COPA: variants seen among roughly 807,000 people sequenced by gnomAD.
COPA encodes coatomer subunit alpha.
A neutral mutation model predicts 158.7 loss-of-function variants in COPA; 10 were observed. The ratio of observed to expected loss-of-function variants is 0.06; its 90% confidence interval spans 0.04 to 0.11. The LOEUF (loss-of-function observed/expected upper bound fraction) is 0.11, where lower values mean the gene tolerates loss of function less well. Among genes scored for constraint, COPA ranks in the 10% least tolerant of loss-of-function variants. The pLI is 1.00. For missense variants in COPA, 1,065 were observed against 1,536.7 expected (o/e 0.69, Z 5.13); for synonymous variants, 462 against 542.8 (o/e 0.85, Z 2.07).
chr1:160,333,175 T>C (rs902971110), intron 5 of COPA, among the ~76,000 whole-genome samples: 10 of 152,216 alleles, frequency 6.6e-5, no homozygotes, highest in Non-Finnish European at 1.2e-4. Context: ...TTGCCTGCCT[T>C]GGCCTCCCAA....
intron 17 of COPA, among the ~76,000 whole-genome samples, chr1:160,300,424 G>C (rs1033084036): frequency 3.3e-5 from 5 of 151,176 alleles, no homozygotes; most frequent in African/African-American, 1.2e-4. Flanking sequence ...AATAAAATTT[G>C]CCAAAGTTGA....
Position 160,316,750 on chromosome 1 carries a change from C to CAA in COPA, c.707-2627_707-2626dup, listed in dbSNP as rs550170815. Among the ~76,000 whole-genome samples the CAA allele has an allele frequency of 4.5e-3, 418 of 92,422 alleles. 3 individuals are homozygous for CAA. Among genetic ancestry groups the CAA allele is most frequent in the African/African-American group, 0.015 (393 of 26,186 alleles). The allele number at this position is 92,422 out of a possible 152,430, so 60.6% of individuals were successfully genotyped here. A position where few individuals can be genotyped will look rare whatever the true frequency, so the allele number is the denominator to read the frequency against. ...GGCCAACAAGAGCAAAATTCTGTCT[C>CAA]AAAAAAAAAAAAAAAGAATGATTGG... On this transcript the variant is annotated intron_variant, in intron 8 of 32. Transcript: ENST00000241704.
rs763507589 is a variant in COPA at position 160,305,587 on chromosome 1, G to A, written c.1529-16C>T. The A allele has an allele frequency of 3.1e-6, 5 of 1,614,166 alleles. No individual in the cohort carries two copies. Among genetic ancestry groups the A allele is most frequent in the Non-Finnish European group, 2.5e-6 (3 of 1,180,036 alleles). On this transcript the variant is annotated splice_polypyrimidine_tract_variant and intron_variant, in intron 16 of 32. Transcript: ENST00000241704. ...ATCACAATGGCTGTAAGAGGCAAAG[G>A]GCATGAGTGTTCTGTTGGATAGGGT... is the stretch of plus-strand genomic sequence containing the variant.
chr1:160,326,696 C>T (rs1647234512), intron 6 of COPA, among the ~76,000 whole-genome samples: 1 of 152,180 alleles, frequency 6.6e-6, no homozygotes, highest in Non-Finnish European at 1.5e-5. Context: ...AAAAAGTGTA[C>T]TCATGCCTAC....
At chr1:160,303,779 A>C (rs1658692729) in intron 17 of COPA, among the ~76,000 whole-genome samples, 1 of 152,232 alleles carries the variant, frequency 6.6e-6, no homozygotes, top group Admixed American at 6.5e-5. Flanking sequence ...TATTTGCAAC[A>C]TGTAGCTCTG....
Position 160,294,815 on chromosome 1 carries a change from A to G in COPA, c.2519T>C (p.Val840Ala), listed in dbSNP as rs778952692. ...ALAADIDIDTVGTEGWGEDAE... is the reference protein window; with the variant it reads ...ALAADIDIDTAGTEGWGEDAE... ...ATCCTCTCCCCAGCCCTCTGTACCA[A>G]CAGTGTCAATGTCAATGTCAGCAGC... The change falls in exon 24 of 33, where the codon GTT becomes GCT. Residue 840 changes from valine to alanine, a missense_variant. Val to Ala is a moderately conservative substitution (Grantham distance 64, BLOSUM62 0). Around this residue, in one of 2 missense-constraint regions of COPA, gnomAD observed 980 missense variants for 1,357.8 expected, o/e 0.72. Coordinates refer to ENST00000241704, the MANE Select transcript of COPA (RefSeq NM_004371.4). The G allele has an allele frequency of 3.2e-5, 51 of 1,613,952 alleles. No homozygotes were observed. Among genetic ancestry groups the G allele is most frequent in the Non-Finnish European group, 3.7e-5 (44 of 1,180,002 alleles).
In COPA at chr1:160,294,866, G is replaced by A; in HGVS notation, c.2477-9C>T. 1.9e-6 allele frequency: 3 copies of A among 1,613,220 alleles called. No individual in the cohort carries two copies. In the South Asian group the frequency reaches 3.3e-5, roughly 18 times the overall value. ...CAGTGCTCCTCCCTTCCCTACAGAG[G>A]GAAGGAACAGAACGGAACTGGTTAT... On this transcript the variant is annotated splice_polypyrimidine_tract_variant and intron_variant, in intron 23 of 32. Coordinates refer to ENST00000241704, the MANE Select transcript of COPA (RefSeq NM_004371.4).
At chr1:160,301,510 T>C (rs1003375837) in intron 17 of COPA, among the ~76,000 whole-genome samples, 3 of 152,222 alleles carry the variant, frequency 2.0e-5, no homozygotes, top group Non-Finnish European at 4.4e-5. Context: ...TGGTGGCTCA[T>C]GCCTGTAATC....
intron 1 of COPA, among the ~76,000 whole-genome samples, chr1:160,342,060 T>C (rs1648093550): frequency 6.6e-6 from 1 of 152,200 alleles, no homozygotes; most frequent in Non-Finnish European, 1.5e-5. Flanking sequence ...ATTCACACAT[T>C]GATAACAACC....
intron 12 of COPA, among the ~76,000 whole-genome samples, chr1:160,309,742 CTTTTTTT>C (rs10714948): frequency 7.6e-6 from 1 of 131,258 alleles, no homozygotes; most frequent in African/African-American, 2.8e-5. Flanking sequence ...AATGTCATTT[CTTTTTTT>C]TTTTTTTTTG....
At chr1:160,308,843 C>T (rs1658873897) in intron 13 of COPA, 3 of 414,582 alleles carry the variant, frequency 7.2e-6, no homozygotes, top group Non-Finnish European at 8.7e-6. Context: ...GGATAACATG[C>T]TGTGCTGAAA....
intron 11 of COPA, 30 bp from the exon 12 acceptor site, chr1:160,310,288 C>T: frequency 1.4e-6 from 2 of 1,427,232 alleles, no homozygotes; most frequent in South Asian, 1.2e-5. Flanking sequence ...AAGGAGAAAA[C>T]AGGGAAGAGG....
intron 8 of COPA, among the ~76,000 whole-genome samples, chr1:160,318,468 TAAA>T (rs71090307): frequency 1.3e-4 from 2 of 15,676 alleles, no homozygotes; most frequent in African/African-American, 1.9e-4. Flanking sequence ...ACAATATTTG[TAAA>T]AAAAAAAAAA....
intron 13 of COPA, 21 bp downstream of exon 13, chr1:160,309,080 G>A (rs1225634459): frequency 2.5e-6 from 4 of 1,597,528 alleles, no homozygotes; most frequent in Admixed American, 1.7e-5. Flanking sequence ...GCAGAGTGGG[G>A]TAGACAAAAA....
chr1:160,325,743 A>G, intron 6 of COPA, 91 bp from the exon 7 acceptor site: 2 of 917,902 alleles, frequency 2.2e-6, no homozygotes, highest in Admixed American at 4.5e-5. Flanking sequence ...ACAGTGAAAA[A>G]GAAAAGAAAA....
intron 6 of COPA, among the ~76,000 whole-genome samples, chr1:160,328,531 G>A (rs141405454): frequency 1.3e-4 from 20 of 152,320 alleles, no homozygotes; most frequent in African/African-American, 4.6e-4. Context: ...GACACTCTCA[G>A]AATGGACCAG....
In COPA at chr1:160,311,742, G is replaced by A. The variant is rs192678462; in HGVS notation, c.1076+126C>T. ...AGCCTGGGCGACAAAGCGAGACTCC[G>A]TCTCAAAAAAAAATTAAATAAATAA... On this transcript the variant is annotated intron_variant, in intron 11 of 32. Transcript: ENST00000241704. The A allele has an allele frequency of 7.3e-4, 709 of 977,056 alleles. 1 individual carries two copies. The highest frequency in any genetic ancestry group is 5.6e-3 in the African/African-American group (329 of 58,998). The allele number at this position is 977,056 out of a possible 1,614,324, so 60.5% of individuals were successfully genotyped here.
intron 4 of COPA, among the ~76,000 whole-genome samples, chr1:160,334,667 A>G (rs965954467): frequency 1.3e-5 from 2 of 152,254 alleles, no homozygotes; most frequent in Non-Finnish European, 2.9e-5. Context: ...GCTAATACAC[A>G]GAACTATAAG....
intron 8 of COPA, among the ~76,000 whole-genome samples, chr1:160,318,294 G>T (rs895324534): frequency 6.6e-6 from 1 of 151,732 alleles, no homozygotes; most frequent in Admixed American, 6.6e-5. Context: ...TAAAAATCTT[G>T]TCAGAAGATC....
Sources: allele counts gnomAD v4.1 joint callset (sites outside exome capture counted in the v4.1 genomes callset), GRCh38; gene constraint gnomAD v4.1.1; regional missense constraint gnomAD v4.1.1; transcripts MANE v1.5; gene names NCBI Gene and HGNC (gene_info 2026-07-23, HGNC 2026-07-21).